RAB38: variants seen among roughly 807,000 people sequenced by gnomAD.
RAB38 encodes the protein RAB38, member RAS oncogene family.
Under a neutral mutation model 18.4 loss-of-function variants are expected in RAB38, and 15 were observed. The observed-to-expected ratio is 0.82, with a 90% CI of 0.55 to 1.26. The LOEUF (loss-of-function observed/expected upper bound fraction) is 1.26. RAB38 is among the 50% of genes most tolerant of loss of function. The pLI is 0.00. For missense variants in RAB38, 294 were observed against 267.4 expected (o/e 1.10, Z -0.69); for synonymous variants, 101 against 104.4 (o/e 0.97, Z 0.20).
the RAB38 span, among the ~76,000 whole-genome samples, chr11:87,966,395 G>A: frequency 4.6e-5 from 7 of 152,044 alleles, no homozygotes; most frequent in African/African-American, 1.7e-4. Flanking sequence ...TGGAAACACT[G>A]GGCTCCAAGG....
At chr11:87,973,534 G>A in the RAB38 span, among the ~76,000 whole-genome samples, 1 of 151,654 alleles carries the variant, frequency 6.6e-6, no homozygotes, top group East Asian at 1.9e-4. Context: ...CTGGAGACCA[G>A]GCAGAGTATG....
chr11:87,876,796 C>T, the RAB38 span, among the ~76,000 whole-genome samples: 2 of 151,574 alleles, frequency 1.3e-5, no homozygotes, highest in African/African-American at 4.8e-5. Context: ...CGGTGTTCTT[C>T]AATGCTATTT....
At chr11:87,900,669 A>T in the RAB38 span, among the ~76,000 whole-genome samples, 1 of 105,294 alleles carries the variant, frequency 9.5e-6, no homozygotes, top group Admixed American at 1.1e-4. Flanking sequence ...GGTAGGAAGG[A>T]AGGAAGGAAG....
At chr11:87,840,094 A>T in the RAB38 span, among the ~76,000 whole-genome samples, 7 of 152,214 alleles carry the variant, frequency 4.6e-5, no homozygotes, top group Non-Finnish European at 1.0e-4. Flanking sequence ...AGAAGGCTCT[A>T]TTTGTGGCTA....
In RAB38 at chr11:88,148,894, T is replaced by C. The variant is rs139255004; in HGVS notation, c.483+781A>G. Among the ~76,000 whole-genome samples, 3 of 152,282 alleles carry C rather than the reference T, an allele frequency of 2.0e-5. No homozygotes were observed. The East Asian group carries it at 5.8e-4, about 29-fold the overall frequency. ...TTAAAATTTTAGTTATGGTTTTTTA[T>C]GGATTTTCAAATTTTGCCATGAAAG... is the stretch of plus-strand genomic sequence containing the variant. On this transcript the variant is annotated intron_variant, in intron 2 of 2. Coordinates refer to ENST00000243662, the MANE Select transcript of RAB38 (RefSeq NM_022337.3).
the RAB38 span, among the ~76,000 whole-genome samples, chr11:88,059,833 C>T: frequency 4.6e-5 from 7 of 150,630 alleles, no homozygotes; most frequent in Non-Finnish European, 8.8e-5. Context: ...CAGCCTTGGG[C>T]CCAGGCCAGG....
chr11:87,972,932 C>G, the RAB38 span, among the ~76,000 whole-genome samples: 1 of 151,840 alleles, frequency 6.6e-6, no homozygotes, highest in Non-Finnish European at 1.5e-5. Flanking sequence ...TGAATGAATT[C>G]TTATGAGATC....
intron 2 of RAB38, among the ~76,000 whole-genome samples, chr11:88,136,243 T>C (rs187396529): frequency 1.7e-3 from 262 of 152,298 alleles, no homozygotes; most frequent in African/African-American, 5.9e-3. Flanking sequence ...GATATTGATT[T>C]TCCCCCCAGT....
At chr11:88,141,988 T>C (rs1942921385) in intron 2 of RAB38, among the ~76,000 whole-genome samples, 1 of 152,152 alleles carries the variant, frequency 6.6e-6, no homozygotes, top group South Asian at 2.1e-4. Context: ...GGCCAGCTCA[T>C]ATAGTACAGT....
At chr11:87,954,489 C>T in the RAB38 span, among the ~76,000 whole-genome samples, 2 of 152,084 alleles carry the variant, frequency 1.3e-5, no homozygotes, top group Non-Finnish European at 2.9e-5. Flanking sequence ...AGATTTTCTA[C>T]ATATTCAAGT....
chr11:87,957,577 T>G, the RAB38 span, among the ~76,000 whole-genome samples: 77 of 152,262 alleles, frequency 5.1e-4, 1 homozygote, highest in East Asian at 0.013. Context: ...AAGGCCTACT[T>G]GTTCAGATTA....
chr11:87,944,367 G>T, the RAB38 span, among the ~76,000 whole-genome samples: 1 of 152,104 alleles, frequency 6.6e-6, no homozygotes, highest in Non-Finnish European at 1.5e-5. Context: ...TGCAAATTCT[G>T]TGAGATTTAC....
the RAB38 span, among the ~76,000 whole-genome samples, chr11:88,009,770 C>T: frequency 6.6e-6 from 1 of 152,134 alleles, no homozygotes; most frequent in Non-Finnish European, 1.5e-5. Flanking sequence ...TTTGGGGTTT[C>T]ATTGTGGCTG....
At chr11:87,893,658 A>C in the RAB38 span, among the ~76,000 whole-genome samples, 1 of 151,426 alleles carries the variant, frequency 6.6e-6, no homozygotes, top group Non-Finnish European at 1.5e-5. Flanking sequence ...TATCCACTAA[A>C]AACTAATTTT....
At chr11:87,851,620 CAG>C in the RAB38 span, among the ~76,000 whole-genome samples, 2 of 152,128 alleles carry the variant, frequency 1.3e-5, no homozygotes, top group African/African-American at 2.4e-5. Context: ...GTAAGAAAAA[CAG>C]ATAGTATATA....
chr11:87,863,057 C>T, the RAB38 span, among the ~76,000 whole-genome samples: 1 of 151,772 alleles, frequency 6.6e-6, no homozygotes, highest in African/African-American at 2.4e-5. Context: ...GTGTCTTGAA[C>T]ATAGCCTGGT....
chr11:88,165,188 T>G (rs961318342), intron 1 of RAB38, among the ~76,000 whole-genome samples: 1 of 152,174 alleles, frequency 6.6e-6, no homozygotes, highest in Non-Finnish European at 1.5e-5. Flanking sequence ...AAAACCATTA[T>G]GCTGTTTATA....
the RAB38 span, among the ~76,000 whole-genome samples, chr11:87,949,507 G>C: frequency 1.3e-5 from 2 of 152,076 alleles, no homozygotes; most frequent in African/African-American, 2.4e-5. Context: ...GATCTTTCCT[G>C]CTTTCTCTTG....
Position 88,175,416 on chromosome 11 carries a change from C to G in RAB38, c.-32G>C, listed in dbSNP as rs753561331. ...GGCCGGCCAGACGTGCCGTGCCTGA[C>G]CAGGGAAGCGCAGCCTGGGCTCTGC... On this transcript the variant is annotated 5_prime_UTR_variant, in exon 1 of 3. Coordinates refer to ENST00000243662, the MANE Select transcript of RAB38 (RefSeq NM_022337.3). 1.2e-6 allele frequency: 2 copies of G among 1,612,162 alleles called. No homozygotes were observed. The highest frequency in any genetic ancestry group is 3.3e-5 in the Admixed American group (2 of 60,002).
Sources: gnomAD v4.1 joint callset for allele counts (sites outside exome capture counted in the v4.1 genomes callset) on GRCh38, gnomAD v4.1.1 for gene constraint, MANE v1.5 for transcripts, NCBI Gene and HGNC (gene_info 2026-07-23, HGNC 2026-07-21) for gene names.